The following FRRS1 variants were observed in gnomAD, a reference collection of about 807,000 sequenced individuals.
FRRS1 encodes ferric reductase 1.
A neutral mutation model predicts 70.7 loss-of-function variants in FRRS1; 51 were observed. That is an observed-to-expected ratio of 0.72 (90% CI 0.58 to 0.91). The LOEUF is 0.91. Among genes scored for constraint, FRRS1 ranks in the 40% least tolerant of loss-of-function variants. The pLI is 0.00. For missense variants in FRRS1, 672 were observed against 726.0 expected, an observed-to-expected ratio of 0.93 and a Z score of 0.86; for synonymous variants, 225 against 238.7, an observed-to-expected ratio of 0.94 and a Z score of 0.53.
At position 99,704,406 on chromosome 1, in the gene FRRS1, T is replaced by C. The variant is rs1284429994; in HGVS notation, c.*4622A>G. 6.6e-6 allele frequency among the ~76,000 whole-genome samples: 1 copy of C among 152,184 alleles called. No homozygotes were observed. The highest frequency in any genetic ancestry group is 1.5e-5 in the Non-Finnish European group (1 of 68,032). On this transcript the variant is annotated 3_prime_UTR_variant, in exon 17 of 17. Transcript: ENST00000646001. Reference sequence around the variant, plus strand: ...CTAGAACTTGATAAACTAGCTTTTGTAAGTGATAACGGGAGGGAAGTGCTG... The same window carrying C: ...CTAGAACTTGATAAACTAGCTTTTGCAAGTGATAACGGGAGGGAAGTGCTG...
chr1:99,754,836 T>C (rs1430752613), intron 1 of FRRS1, among the ~76,000 whole-genome samples: 1 of 152,216 alleles, frequency 6.6e-6, no homozygotes, highest in Non-Finnish European at 1.5e-5. Context: ...GAATTCCTGT[T>C]AAACGCCAGA....
At chr1:99,709,599 A>G (rs961013412) in intron 15 of FRRS1, among the ~76,000 whole-genome samples, 1 of 152,252 alleles carries the variant, frequency 6.6e-6, no homozygotes, top group African/African-American at 2.4e-5. Context: ...ATATATGCAT[A>G]CATTATAAAA....
At chr1:99,760,898 G>A (rs756664605) in intron 1 of FRRS1, among the ~76,000 whole-genome samples, 2 of 152,080 alleles carry the variant, frequency 1.3e-5, no homozygotes, top group Non-Finnish European at 2.9e-5. Context: ...TGATACACCT[G>A]CCTCGGCCTC....
At chr1:99,751,788 G>T (rs1253095605) in intron 1 of FRRS1, among the ~76,000 whole-genome samples, 2 of 152,002 alleles carry the variant, frequency 1.3e-5, no homozygotes, top group Admixed American at 6.6e-5. Context: ...AACAATAAAG[G>T]TCAGAAATTC....
chr1:99,712,018 C>T, intron 14 of FRRS1, 87 bp downstream of exon 14: 7 of 822,750 alleles, frequency 8.5e-6, no homozygotes, highest in Non-Finnish European at 1.2e-5. Context: ...ATTACTAATG[C>T]ATCTAAAAAT....
intron 9 of FRRS1, among the ~76,000 whole-genome samples, chr1:99,721,247 TG>T: frequency 6.6e-6 from 1 of 151,940 alleles, no homozygotes; most frequent in Non-Finnish European, 1.5e-5. Flanking sequence ...GGTGCGCTGG[TG>T]GGCACCTGTA....
intron 9 of FRRS1, among the ~76,000 whole-genome samples, chr1:99,723,179 T>C (rs1654919029): frequency 6.6e-6 from 1 of 152,172 alleles, no homozygotes; most frequent in African/African-American, 2.4e-5. Flanking sequence ...TATCCCAATG[T>C]GTTCCTGCAT....
Position 99,757,080 on chromosome 1 carries a change from C to CT in FRRS1, c.-105-8080dup, listed in dbSNP as rs58835632. Among the ~76,000 whole-genome samples the CT allele has an allele frequency of 3.7e-3, 519 of 142,048 alleles. 1 individual carries two copies. Among genetic ancestry groups the CT allele is most frequent in the South Asian group, 0.023 (101 of 4,436 alleles). The allele number at this position is 142,048 out of a possible 152,430, so 93.2% of individuals were successfully genotyped here. A position where few individuals can be genotyped will look rare whatever the true frequency, so the allele number is the denominator to read the frequency against. On this transcript the variant is annotated intron_variant, in intron 1 of 16. Transcript: ENST00000646001. ...ATCTACATAATTTGGAAAAGGGTCTCTTTTTTTTTTTTTGCAATATATAGT... is the reference window on the plus strand; with the variant it reads ...ATCTACATAATTTGGAAAAGGGTCTCTTTTTTTTTTTTTTGCAATATATAGT...
intron 1 of FRRS1, among the ~76,000 whole-genome samples, chr1:99,751,548 T>C (rs947099090): frequency 6.6e-6 from 1 of 152,134 alleles, no homozygotes; most frequent in Admixed American, 6.5e-5. Context: ...ATGAGAACTA[T>C]ATCTGACTTT....
At chr1:99,727,584 T>C (rs1029976617) in intron 9 of FRRS1, among the ~76,000 whole-genome samples, 2 of 152,244 alleles carry the variant, frequency 1.3e-5, no homozygotes, top group Admixed American at 1.3e-4. Flanking sequence ...AAACACATGA[T>C]AGAATTGTAG....
At chr1:99,716,458 A>C (rs1654536899) in intron 11 of FRRS1, among the ~76,000 whole-genome samples, 1 of 152,234 alleles carries the variant, frequency 6.6e-6, no homozygotes, top group Non-Finnish European at 1.5e-5. Context: ...GAGAGAGAGC[A>C]CAAGAGCAAA....
intron 1 of FRRS1, among the ~76,000 whole-genome samples, chr1:99,761,047 T>A (rs1296839475): frequency 6.6e-6 from 1 of 152,132 alleles, no homozygotes; most frequent in Admixed American, 6.6e-5. Flanking sequence ...CAAAGTAATT[T>A]GAAACTCTAC....
intron 12 of FRRS1, among the ~76,000 whole-genome samples, chr1:99,713,853 G>T (rs539544494): frequency 6.6e-6 from 1 of 152,254 alleles, no homozygotes; most frequent in African/African-American, 2.4e-5. Context: ...GAGTGCTATG[G>T]GAAAAAATAG....
At chr1:99,763,981 C>T (rs1657236820) in intron 1 of FRRS1, among the ~76,000 whole-genome samples, 1 of 151,714 alleles carries the variant, frequency 6.6e-6, no homozygotes, top group Non-Finnish European at 1.5e-5. Flanking sequence ...TAAGTGGTTA[C>T]AAAAATAAAC....
At chr1:99,758,839 T>C (rs1016569739) in intron 1 of FRRS1, among the ~76,000 whole-genome samples, 1 of 152,078 alleles carries the variant, frequency 6.6e-6, no homozygotes, top group African/African-American at 2.4e-5. Flanking sequence ...GGGAAAGGAA[T>C]GCACTCCTGG....
chr1:99,711,099 CT>C, intron 14 of FRRS1, 150 bp from the exon 15 acceptor site: 1 of 704,250 alleles, frequency 1.4e-6, no homozygotes, highest in South Asian at 2.1e-5. Flanking sequence ...TTAATTCAGA[CT>C]TTTAAAATTA....
chr1:99,742,199 A>C lies in FRRS1; in HGVS notation c.408T>G (p.Ala136=), dbSNP rs1243290940. The part of the protein sequence containing the change: ...IKVYWNAPSS[A]PNHTQFLVTV... ...CTCACAGAAACTGTGTGTGATTTGG[A>C]GCACTGCTTGGAGCATTCCAGTAGA... Residue 136 remains alanine (A), a synonymous_variant, in exon 5 of 17, where the codon GCT becomes GCG. Coordinates refer to ENST00000646001, the MANE Select transcript of FRRS1 (RefSeq NM_001361041.2). The C allele has an allele frequency of 6.2e-7, 1 of 1,607,256 alleles. No homozygotes were observed. Among genetic ancestry groups the C allele is most frequent in the East Asian group, 2.2e-5 (1 of 44,846 alleles).
chr1:99,755,507 T>A (rs1206140772), intron 1 of FRRS1, among the ~76,000 whole-genome samples: 1 of 152,114 alleles, frequency 6.6e-6, no homozygotes, highest in Non-Finnish European at 1.5e-5. Context: ...TTAAGAAGAT[T>A]AAATGTAGTC....
chr1:99,728,034 T>G (rs565234413), intron 9 of FRRS1, among the ~76,000 whole-genome samples: 2 of 152,258 alleles, frequency 1.3e-5, no homozygotes, highest in Admixed American at 6.5e-5. Context: ...ACCTATTCTC[T>G]TTTTTCCCTC....
Sources: gnomAD v4.1 joint callset for allele counts (sites outside exome capture counted in the v4.1 genomes callset) on GRCh38, gnomAD v4.1.1 for gene constraint, MANE v1.5 for transcripts, NCBI Gene and HGNC (gene_info 2026-07-23, HGNC 2026-07-21) for gene names.